TFDP1: variants seen among roughly 807,000 people sequenced by gnomAD.
The protein encoded by TFDP1 is DRTF1-polypeptide 1.
TFDP1 carries 6 observed loss-of-function variants against 48.0 expected under a neutral mutation model. That is an observed-to-expected ratio of 0.13 (90% confidence interval 0.07 to 0.25). The LOEUF (loss-of-function observed/expected upper bound fraction) is 0.25. Among genes scored for constraint, TFDP1 ranks in the 10% least tolerant of loss-of-function variants. The probability of loss-of-function intolerance (pLI) is 1.00; values close to 1 mark genes in which losing one functional copy is unlikely to be tolerated. For missense variants in TFDP1, 335 were observed against 543.0 expected, an observed-to-expected ratio of 0.62 and a Z score of 3.81; for synonymous variants, 201 against 211.6, an observed-to-expected ratio of 0.95 and a Z score of 0.44.
At position 113,633,008 on chromosome 13, in the gene TFDP1, C is replaced by T. The variant is rs2049378215; in HGVS notation, c.309-112C>T. 3.7e-6 allele frequency: 5 copies of T among 1,355,298 alleles called. No homozygotes were observed. The highest frequency in any genetic ancestry group is 4.7e-5 in the Admixed American group (2 of 42,990). 84.0% of individuals were successfully genotyped at this position (1,355,298 alleles called of 1,614,324 possible). A position where few individuals can be genotyped will look rare whatever the true frequency, so the allele number is the denominator to read the frequency against. On this transcript the variant is annotated intron_variant, in intron 5 of 11. Transcript: ENST00000375370. This position sits in a 1 kb window ranked among gnomAD's most constrained non-coding sequence, Gnocchi z 4.5. ...TGTTGGATCTGCTGCGCCCGTGGGACGTGGCCCCTTTTTGTGCAGCTCATT... is the reference window on the plus strand; with the variant it reads ...TGTTGGATCTGCTGCGCCCGTGGGATGTGGCCCCTTTTTGTGCAGCTCATT...
chr13:113,641,230 T>C lies in TFDP1; in HGVS notation c.*963T>C, dbSNP rs879902811. ...TTTGTCAATCATTTTTAATAGTTCT[T>C]TTTTTATAAAAAGAAAAAGGAATTT... is the stretch of plus-strand genomic sequence containing the variant. On this transcript the variant is annotated 3_prime_UTR_variant, in exon 12 of 12. Transcript: ENST00000375370. 2 of 152,556 alleles carry C rather than the reference T, an allele frequency of 1.3e-5. No individual in the cohort carries two copies. Among genetic ancestry groups the C allele is most frequent in the Non-Finnish European group, 2.9e-5 (2 of 68,048 alleles). The allele number at this position is 152,556 out of a possible 1,614,324, so 9.5% of individuals were successfully genotyped here.
intron 3 of TFDP1, among the ~76,000 whole-genome samples, chr13:113,614,239 G>A (rs1265354730): frequency 6.6e-6 from 1 of 151,778 alleles, no homozygotes; most frequent in Non-Finnish European, 1.5e-5. Context: ...TGTGTGAGTT[G>A]AGTGTGAGTT....
intron 4 of TFDP1, among the ~76,000 whole-genome samples, chr13:113,629,248 A>T (rs1356129574): frequency 6.6e-6 from 1 of 152,238 alleles, no homozygotes; most frequent in Non-Finnish European, 1.5e-5. Flanking sequence ...CAGTTAAAGC[A>T]GGAGAGTAAG....
At chr13:113,589,569 C>T (rs759602593) in intron 2 of TFDP1, among the ~76,000 whole-genome samples, 2 of 152,230 alleles carry the variant, frequency 1.3e-5, no homozygotes, top group African/African-American at 2.4e-5. Flanking sequence ...ATCTCAGGCC[C>T]TCCGCCTCAG....
At chr13:113,636,776 G>T in intron 10 of TFDP1, 76 bp downstream of exon 10, 2 of 1,512,696 alleles carry the variant, frequency 1.3e-6, no homozygotes, top group East Asian at 2.4e-5. Context: ...CTCCCCTCCC[G>T]GCTCGGGATG....
Position 113,627,987 on chromosome 13 carries a change from G to T in TFDP1, c.187-3636G>T, listed in dbSNP as rs773241599. The stretch of plus-strand genomic sequence containing the variant: ...TCTCGGGCAAGGTGGACCTCCGGCA[G>T]GTCCTCTACTGTGGGATGCTTCCAC... On this transcript the variant is annotated intron_variant, in intron 4 of 11. Coordinates refer to ENST00000375370, the MANE Select transcript of TFDP1 (RefSeq NM_007111.5). The surrounding 1 kb of genome is among the most constrained non-coding windows in gnomAD (Gnocchi z 4.1). Among the ~76,000 whole-genome samples, 12 of 152,066 alleles carry T rather than the reference G, an allele frequency of 7.9e-5. No homozygotes were observed. The highest frequency in any genetic ancestry group is 1.5e-4 in the African/African-American group (6 of 41,298).
At chr13:113,632,264 G>A (rs1049365471) in intron 5 of TFDP1, among the ~76,000 whole-genome samples, 1 of 152,236 alleles carries the variant, frequency 6.6e-6, no homozygotes, top group African/African-American at 2.4e-5. Flanking sequence ...CTGTGTTGGT[G>A]CCCAAAGCTT....
intron 2 of TFDP1, 97 bp from the exon 3 acceptor site, chr13:113,610,899 C>A: frequency 8.8e-7 from 1 of 1,132,174 alleles, no homozygotes; most frequent in Non-Finnish European, 1.3e-6. Flanking sequence ...CTTTTTATGA[C>A]GTTATTTGAT....
chr13:113,610,846 C>T, intron 2 of TFDP1, 150 bp from the exon 3 acceptor site: 1 of 708,384 alleles, frequency 1.4e-6, no homozygotes, highest in Non-Finnish European at 2.5e-6. Flanking sequence ...TGGCGTTCTC[C>T]TGGTTGTTCC....
At chr13:113,620,342 G>A (rs560029236) in intron 3 of TFDP1, among the ~76,000 whole-genome samples, 4 of 152,378 alleles carry the variant, frequency 2.6e-5, no homozygotes, top group East Asian at 3.9e-4. Flanking sequence ...GACGGGCGCC[G>A]TGGCCTGGCT....
rs1356942380 is a variant in TFDP1, at chr13:113,640,275, C to T, written c.*8C>T. 4.4e-6 allele frequency: 7 copies of T among 1,606,988 alleles called. No individual in the cohort carries two copies. The highest frequency in any genetic ancestry group is 2.7e-5 in the African/African-American group (2 of 74,522). On this transcript the variant is annotated 3_prime_UTR_variant, in exon 12 of 12. Transcript: ENST00000375370. ...AATGACGAGGACGACTGACGTCCTC[C>T]CCACTTCAGATTCGGCTTCAGGAAA...
Position 113,630,155 on chromosome 13 carries a change from GCACACACA to G in TFDP1, c.187-1448_187-1441del, listed in dbSNP as rs3076650. Among the ~76,000 whole-genome samples, 59 of 149,214 alleles carry G rather than the reference GCACACACA, an allele frequency of 4.0e-4. No homozygotes were observed. In the East Asian group the frequency reaches 7.7e-3, roughly 20 times the overall value. On this transcript the variant is annotated intron_variant, in intron 4 of 11. Coordinates refer to ENST00000375370, the MANE Select transcript of TFDP1 (RefSeq NM_007111.5). The stretch of plus-strand genomic sequence containing the variant: ...TCCCACGTGGCCCAGTGCCCCAGCA[GCACACACA>G]CACACACACACACACACACGCGTAT...
intron 2 of TFDP1, among the ~76,000 whole-genome samples, chr13:113,590,279 T>C (rs2048108261): frequency 6.6e-6 from 1 of 152,210 alleles, no homozygotes; most frequent in Non-Finnish European, 1.5e-5. Context: ...AATTGAGAGC[T>C]GGGGACCAAG....
chr13:113,609,645 G>T (rs1202073945), intron 2 of TFDP1, among the ~76,000 whole-genome samples: 2 of 152,090 alleles, frequency 1.3e-5, no homozygotes, highest in East Asian at 1.9e-4. Flanking sequence ...GCACCAGGGG[G>T]TCTTGGCGTC....
chr13:113,615,498 G>T (rs187501452), intron 3 of TFDP1, among the ~76,000 whole-genome samples: 1 of 152,182 alleles, frequency 6.6e-6, no homozygotes, highest in Non-Finnish European at 1.5e-5. Flanking sequence ...GAGGCCATCC[G>T]GGAGGCCACA....
At position 113,640,554 on chromosome 13, in the gene TFDP1, CCT is replaced by C. The variant is rs1226540530; in HGVS notation, c.*288_*289del. On this transcript the variant is annotated 3_prime_UTR_variant, in exon 12 of 12. Transcript: ENST00000375370. The stretch of plus-strand genomic sequence containing the variant: ...TTTAAGTGCAGAGTTCATTTTTGCC[CCT>C]GAAAAGTTTTTGCTGAGTTTGCTGA... 3.1e-6 allele frequency: 1 copy of C among 322,542 alleles called. No individual in the cohort carries two copies. Among genetic ancestry groups the C allele is most frequent in the East Asian group, 1.2e-4 (1 of 8,414 alleles). The allele number at this position is 322,542 out of a possible 1,614,324, so 20.0% of individuals were successfully genotyped here.
intron 1 of TFDP1, 155 bp from the exon 2 acceptor site, chr13:113,585,617 AGT>A (rs1340086820): frequency 2.2e-6 from 1 of 459,020 alleles, no homozygotes; most frequent in African/African-American, 2.0e-5. Flanking sequence ...GAAAATCCTG[AGT>A]GTGGGAGTCG....
intron 2 of TFDP1, among the ~76,000 whole-genome samples, chr13:113,605,940 G>A (rs964618468): frequency 7.3e-6 from 1 of 137,874 alleles, no homozygotes; most frequent in Non-Finnish European, 1.5e-5. Flanking sequence ...CCTGTGGGAA[G>A]GCGGCGCGGT....
chr13:113,586,685 G>A (rs555442083), intron 2 of TFDP1, among the ~76,000 whole-genome samples: 1 of 152,334 alleles, frequency 6.6e-6, no homozygotes, highest in South Asian at 2.1e-4. Flanking sequence ...CCAGAGTGTG[G>A]AGCCCTCTCC....
Sources: allele counts gnomAD v4.1 joint callset (sites outside exome capture counted in the v4.1 genomes callset), GRCh38; gene constraint gnomAD v4.1.1; non-coding constraint Gnocchi (gnomAD v3.1); transcripts MANE v1.5; gene names NCBI Gene and HGNC (gene_info 2026-07-23, HGNC 2026-07-21).